NLRP2: variants seen among roughly 807,000 people sequenced by gnomAD.
The protein encoded by NLRP2 is NACHT, LRR and PYD domains-containing protein 2.
Under a neutral mutation model 97.2 loss-of-function variants are expected in NLRP2, and 107 were observed. The observed-to-expected ratio is 1.10, with a 90% CI of 0.94 to 1.29. The LOEUF is 1.29. Among genes scored for constraint, NLRP2 ranks in the 50% most tolerant of loss-of-function variants. The probability of loss-of-function intolerance (pLI) is 0.00; values close to 1 mark genes in which losing one functional copy is unlikely to be tolerated. For missense variants in NLRP2, 1,495 were observed against 1,330.3 expected, an observed-to-expected ratio of 1.12 and a Z score of -1.93; for synonymous variants, 663 against 551.5, an observed-to-expected ratio of 1.20 and a Z score of -2.83.
intron 1 of NLRP2, among the ~76,000 whole-genome samples, chr19:54,969,076 C>G (rs269909): frequency 0.14 from 21,691 of 152,128 alleles, 1,986 homozygotes; most frequent in Non-Finnish European, 0.21. Context: ...TAGCTCCCCA[C>G]TTCCTTATCT....
intron 1 of NLRP2, among the ~76,000 whole-genome samples, chr19:54,967,912 C>T (rs1164735258): frequency 7.3e-6 from 1 of 137,172 alleles, no homozygotes; most frequent in East Asian, 2.0e-4. Flanking sequence ...TTTGTTGCTA[C>T]TGCTATTTTT....
chr19:54,969,854 A>T, intron 1 of NLRP2, 145 bp from the exon 2 acceptor site: 2 of 783,566 alleles, frequency 2.6e-6, no homozygotes, highest in Non-Finnish European at 4.3e-6. Context: ...TGGGGGTCTC[A>T]CTATGTTGCC....
intron 12 of NLRP2, among the ~76,000 whole-genome samples, chr19:55,000,305 T>C (rs1042714473): frequency 1.1e-5 from 1 of 92,660 alleles, no homozygotes; most frequent in Non-Finnish European, 2.2e-5. Flanking sequence ...TTTTTTTTTT[T>C]TTTTGAGATC....
At chr19:54,973,689 T>C (rs918726087) in intron 2 of NLRP2, 60 of 383,840 alleles carry the variant, frequency 1.6e-4, no homozygotes, top group Non-Finnish European at 3.5e-5. Flanking sequence ...TTTTTAACTT[T>C]AGCTGACCTC....
chr19:54,967,950 G>A (rs1343804102), intron 1 of NLRP2, among the ~76,000 whole-genome samples: 2 of 140,690 alleles, frequency 1.4e-5, no homozygotes, highest in Admixed American at 1.5e-4. Context: ...ACAAAGTCTA[G>A]CTCTGTTTCC....
At chr19:54,971,383 T>C (rs1432853877) in intron 2 of NLRP2, among the ~76,000 whole-genome samples, 1 of 152,146 alleles carries the variant, frequency 6.6e-6, no homozygotes, top group Non-Finnish European at 1.5e-5. Context: ...TCTAGATCCC[T>C]GAGGAATCCC....
At chr19:54,992,731 T>G (rs34679212) in intron 10 of NLRP2, among the ~76,000 whole-genome samples, 59,240 of 150,860 alleles carry the variant, frequency 0.39, 11,876 homozygotes, top group Middle Eastern at 0.53. Context: ...GCTAACTTCT[T>G]TATTTTTAGT....
At chr19:54,992,987 C>T (rs979396307) in intron 10 of NLRP2, among the ~76,000 whole-genome samples, 1 of 151,772 alleles carries the variant, frequency 6.6e-6, no homozygotes, top group Non-Finnish European at 1.5e-5. Context: ...TTTGAGAGGC[C>T]GAGGCAGGTG....
rs35417918 is a variant in NLRP2, at chr19:54,969,298, A to ACC, written c.-17-696_-17-695dup. ...AGACCAGCCTGGCCAACTTGGTGAA[A>ACC]CCCCCCATCTCTACTAAAAATACAA... On this transcript the variant is annotated intron_variant, in intron 1 of 12. Transcript: ENST00000448584. Among the ~76,000 whole-genome samples the ACC allele has an allele frequency of 8.0e-4, 120 of 150,570 alleles. 1 individual carries two copies. In the East Asian group the frequency reaches 9.1e-3, roughly 11 times the overall value.
chr19:54,998,615 T>C lies in NLRP2; in HGVS notation c.3050+1128T>C, dbSNP rs867651674. 2.3e-3 allele frequency among the ~76,000 whole-genome samples: 284 copies of C among 122,390 alleles called. 2 individuals carry two copies. The highest frequency in any genetic ancestry group is 4.5e-3 in the Middle Eastern group (1 of 220). The allele number at this position is 122,390 out of a possible 152,430, so 80.3% of individuals were successfully genotyped here. On this transcript the variant is annotated intron_variant, in intron 12 of 12. Coordinates refer to ENST00000448584, the MANE Select transcript of NLRP2 (RefSeq NM_017852.5). ...TTTTTGGGGTGCATCTTTTTTCTTTTTTTTTTTTTTTTTTCCTTTTTTTTT... is the reference window on the plus strand; with the variant it reads ...TTTTTGGGGTGCATCTTTTTTCTTTCTTTTTTTTTTTTTTCCTTTTTTTTT...
intron 2 of NLRP2, 51 bp from the exon 3 acceptor site, chr19:54,974,449 A>AGGAAGCC: frequency 7.3e-7 from 1 of 1,370,386 alleles, no homozygotes; most frequent in Non-Finnish European, 1.0e-6. Context: ...AGGCAATAAA[A>AGGAAGCC]TCTTGAGCTT....
intron 10 of NLRP2, among the ~76,000 whole-genome samples, chr19:54,992,248 C>G (rs1382327921): frequency 1.3e-5 from 2 of 151,988 alleles, no homozygotes; most frequent in South Asian, 4.1e-4. Flanking sequence ...TCTAACATCA[C>G]CTCCAACAGT....
chr19:54,979,382 G>A (rs188647262), intron 4 of NLRP2, among the ~76,000 whole-genome samples: 122 of 151,862 alleles, frequency 8.0e-4, no homozygotes, highest in Middle Eastern at 6.8e-3. Flanking sequence ...TGCCCTTGTC[G>A]CCCAGGCTAG....
rs199627730 is a variant in NLRP2, at chr19:54,991,924, ATTTT to A, written c.2708+1267_2708+1270del. Among the ~76,000 whole-genome samples, 214 of 127,292 alleles carry A rather than the reference ATTTT, an allele frequency of 1.7e-3. 5 individuals carry two copies. In the East Asian group the frequency reaches 0.035, roughly 21 times the overall value. 83.5% of individuals were successfully genotyped at this position (127,292 alleles called of 152,430 possible). A position where few individuals can be genotyped will look rare whatever the true frequency, so the allele number is the denominator to read the frequency against. ...TCGATTTTATGTTAACATCTCTGGT[ATTTT>A]TTTTTTTTTTTTTTAAGATGGAGTT... On this transcript the variant is annotated intron_variant, in intron 10 of 12. Transcript: ENST00000448584.
At chr19:54,969,416 T>G (rs1602290665) in intron 1 of NLRP2, among the ~76,000 whole-genome samples, 2 of 149,002 alleles carry the variant, frequency 1.3e-5, no homozygotes, top group East Asian at 2.0e-4. Context: ...AGGCAGAGGT[T>G]GTAGTGAGCC....
Position 54,982,654 on chromosome 19 carries a change from G to T in NLRP2, c.956G>T (p.Gly319Val). 1 of 1,614,144 alleles carries T rather than the reference G, an allele frequency of 6.2e-7. No individual in the cohort carries two copies. The highest frequency in any genetic ancestry group is 8.5e-7 in the Non-Finnish European group (1 of 1,180,028). ...EKKKPVPVLL[G>V]SLLNRVMLPK... ...AAGAAGCCGGTGCCCGTCCTCCTGG[G>T]GAGTTTGCTGAACAGGGTGATGTTA... is the stretch of plus-strand genomic sequence containing the variant. The change falls in exon 6 of 13, where the codon GGG becomes GTG. Residue 319 changes from glycine to valine, a missense_variant. By Grantham distance (109) the Gly-to-Val change is moderately radical. Transcript: ENST00000448584.
At chr19:54,983,890 G>A (rs2071840277) in intron 6 of NLRP2, among the ~76,000 whole-genome samples, 162 bp downstream of exon 6, 2 of 152,156 alleles carry the variant, frequency 1.3e-5, no homozygotes, top group Non-Finnish European at 1.5e-5. Context: ...TTGCTCTGTC[G>A]CTCAGGCTGG....
intron 4 of NLRP2, among the ~76,000 whole-genome samples, chr19:54,980,346 C>T (rs933479700): frequency 1.3e-5 from 2 of 151,936 alleles, no homozygotes; most frequent in African/African-American, 4.8e-5. Context: ...CAGGCGCCCG[C>T]CACACGCCCG....
Position 54,982,353 on chromosome 19 carries a change from A to G in NLRP2, c.655A>G (p.Lys219Glu), listed in dbSNP as rs2071636524. ...VVLYGPAGLGKTTLAQKLMLD... is the reference protein window; with the variant it reads ...VVLYGPAGLGETTLAQKLMLD... ...GCTGTATGGTCCTGCAGGCCTTGGGAAAACCACGCTGGCCCAGAAACTAAT... is the reference window on the plus strand; with the variant it reads ...GCTGTATGGTCCTGCAGGCCTTGGGGAAACCACGCTGGCCCAGAAACTAAT... Residue 219 changes from lysine (K) to glutamate (E), a missense_variant, in exon 6 of 13, where the codon AAA (lysine) becomes GAA (glutamate). By Grantham distance (56) the Lys-to-Glu change is moderately conservative (BLOSUM62 1). Coordinates refer to ENST00000448584, the MANE Select transcript of NLRP2 (RefSeq NM_017852.5). 1.2e-6 allele frequency: 2 copies of G among 1,614,004 alleles called. 1 individual carries two copies. The highest frequency in any genetic ancestry group is 1.7e-6 in the Non-Finnish European group (2 of 1,180,008).
Sources: gnomAD v4.1 joint callset for allele counts (sites outside exome capture counted in the v4.1 genomes callset) on GRCh38, gnomAD v4.1.1 for gene constraint, MANE v1.5 for transcripts, NCBI Gene and HGNC (gene_info 2026-07-23, HGNC 2026-07-21) for gene names.